Variants in MGAT5 observed in about 807,000 individuals in gnomAD.
MGAT5 encodes the protein alpha-1,6-mannosylglycoprotein 6-beta-N-acetylglucosaminyltransferase, also known as alpha-1,6-mannosylglycoprotein 6-beta-N-acetylglucosaminyltransferase A.
In MGAT5, 30 loss-of-function variants were observed where a neutral mutation model predicts 94.3. That is an observed-to-expected ratio of 0.32 (90% CI 0.24 to 0.43). MGAT5 has a LOEUF of 0.43. MGAT5 is among the 20% of genes least tolerant of loss of function. MGAT5 has a pLI of 1.00. For synonymous variants in MGAT5, 310 were observed against 322.9 expected (o/e 0.96, Z 0.43); for missense variants, 691 against 905.5 (o/e 0.76, Z 3.04).
At chr2:134,120,550 C>T (rs982377717) in intron 1 of MGAT5, among the ~76,000 whole-genome samples, 1 of 151,916 alleles carries the variant, frequency 6.6e-6, no homozygotes, top group Non-Finnish European at 1.5e-5. Context: ...CCGGGCAGCC[C>T]CTCCCAGGGG....
At chr2:134,386,348 G>A (rs555168111) in intron 10 of MGAT5, among the ~76,000 whole-genome samples, 1 of 152,318 alleles carries the variant, frequency 6.6e-6, no homozygotes, top group Non-Finnish European at 1.5e-5. Flanking sequence ...CCGGTAGTCA[G>A]AACATGCAAA....
chr2:134,248,970 G>GGGCCAGGAGCCTTCTGAAGCCAGGCTCCT (rs1325062551), intron 1 of MGAT5, among the ~76,000 whole-genome samples: 58 of 152,154 alleles, frequency 3.8e-4, no homozygotes, highest in African/African-American at 1.3e-3. Flanking sequence ...CAGACAAGGT[G>GGGCCAGGAGCCTTCTGAAGCCAGGCTCCT]GGCCAGGAGC....
intron 10 of MGAT5, among the ~76,000 whole-genome samples, chr2:134,402,659 T>C (rs1421576363): frequency 6.6e-6 from 1 of 152,232 alleles, no homozygotes; most frequent in African/African-American, 2.4e-5. Flanking sequence ...TGTGGTAATT[T>C]ACAAAGCAAG....
chr2:134,396,292 A>T (rs1032353706), intron 10 of MGAT5, among the ~76,000 whole-genome samples: 2 of 152,078 alleles, frequency 1.3e-5, no homozygotes, highest in Non-Finnish European at 2.9e-5. Context: ...TGAAATGTAA[A>T]TTTTTTCGGC....
intron 2 of MGAT5, among the ~76,000 whole-genome samples, chr2:134,292,813 A>G (rs986132318): frequency 1.3e-5 from 2 of 152,304 alleles, no homozygotes; most frequent in African/African-American, 4.8e-5. Context: ...CGACATACAG[A>G]GGATCTTTAT....
intron 1 of MGAT5, among the ~76,000 whole-genome samples, chr2:134,177,143 C>A (rs1688502807): frequency 5.0e-5 from 1 of 20,154 alleles, no homozygotes; most frequent in East Asian, 2.6e-3. Flanking sequence ...ACAAATGAAC[C>A]CGTGTGTGTG....
At chr2:134,198,787 T>C (rs1167226922) in intron 1 of MGAT5, among the ~76,000 whole-genome samples, 2 of 152,218 alleles carry the variant, frequency 1.3e-5, no homozygotes, top group Admixed American at 1.3e-4. Flanking sequence ...CTTTGCATTC[T>C]TCATCTTACT....
At chr2:134,380,125 G>C (rs1187766572) in intron 10 of MGAT5, among the ~76,000 whole-genome samples, 1 of 152,196 alleles carries the variant, frequency 6.6e-6, no homozygotes, top group Non-Finnish European at 1.5e-5. Context: ...CTAAGACAAG[G>C]AGCGTGTTGT....
intron 1 of MGAT5, among the ~76,000 whole-genome samples, chr2:134,174,751 T>C (rs1393066054): frequency 5.9e-5 from 9 of 152,236 alleles, no homozygotes; most frequent in African/African-American, 1.9e-4. Flanking sequence ...TCATATCTTA[T>C]AAAAGGCCAA....
At chr2:134,223,697 TTA>T (rs1054904349) in intron 1 of MGAT5, among the ~76,000 whole-genome samples, 1 of 151,886 alleles carries the variant, frequency 6.6e-6, no homozygotes, top group African/African-American at 2.4e-5. Flanking sequence ...AAAGAGAATA[TTA>T]TAGCAAGGCC....
intron 2 of MGAT5, among the ~76,000 whole-genome samples, chr2:134,316,624 G>A (rs1361373735): frequency 2.0e-5 from 3 of 152,134 alleles, no homozygotes; most frequent in African/African-American, 4.8e-5. Context: ...GTGATATGAT[G>A]TTGTGATACA....
chr2:134,201,734 G>A (rs1405809770), intron 1 of MGAT5, among the ~76,000 whole-genome samples: 2 of 151,944 alleles, frequency 1.3e-5, no homozygotes, highest in Admixed American at 1.3e-4. Flanking sequence ...TGTCCAGGGT[G>A]GCCTTGGTGG....
chr2:134,190,994 C>G (rs1689344701), intron 1 of MGAT5, among the ~76,000 whole-genome samples: 1 of 152,178 alleles, frequency 6.6e-6, no homozygotes, highest in African/African-American at 2.4e-5. Flanking sequence ...TGCCAAGTTG[C>G]CCAGGCTGGT....
At chr2:134,137,889 T>C (rs577517409) in intron 1 of MGAT5, among the ~76,000 whole-genome samples, 1 of 143,646 alleles carries the variant, frequency 7.0e-6, no homozygotes, top group Admixed American at 6.9e-5. Context: ...CTTTCTTTTC[T>C]TTTTTTTTTT....
At chr2:134,420,987 T>A (rs1014124613) in intron 12 of MGAT5, among the ~76,000 whole-genome samples, 5 of 152,240 alleles carry the variant, frequency 3.3e-5, no homozygotes, top group African/African-American at 1.2e-4. Context: ...AACATTCAGC[T>A]GAATATGGTC....
At chr2:134,347,541 A>G (rs915202437) in intron 8 of MGAT5, among the ~76,000 whole-genome samples, 3 of 152,258 alleles carry the variant, frequency 2.0e-5, no homozygotes, top group Non-Finnish European at 4.4e-5. Context: ...AGCATTTTAT[A>G]TCCATGAGTT....
chr2:134,433,984 C>A (rs939082277), intron 14 of MGAT5, among the ~76,000 whole-genome samples: 11 of 152,092 alleles, frequency 7.2e-5, no homozygotes, highest in African/African-American at 2.7e-4. Context: ...ATTAGTAACT[C>A]TGTGAAAGAG....
chr2:134,399,006 G>A (rs529126179), intron 10 of MGAT5, among the ~76,000 whole-genome samples: 1 of 152,320 alleles, frequency 6.6e-6, no homozygotes, highest in South Asian at 2.1e-4. Context: ...GTAGACAAGG[G>A]TGACTATAGT....
chr2:134,306,926 G>A (rs1172746412), intron 2 of MGAT5, among the ~76,000 whole-genome samples: 1 of 152,098 alleles, frequency 6.6e-6, no homozygotes, highest in Non-Finnish European at 1.5e-5. Context: ...ACCGGGACAT[G>A]CGGGTGCTAC....
Sources: gnomAD v4.1 joint callset for allele counts (sites outside exome capture counted in the v4.1 genomes callset) on GRCh38, gnomAD v4.1.1 for gene constraint, MANE v1.5 for transcripts, NCBI Gene and HGNC (gene_info 2026-07-23, HGNC 2026-07-21) for gene names.